UBAP2: variants seen among roughly 807,000 people sequenced by gnomAD.
UBAP2 encodes ubiquitin associated protein 2.
In UBAP2, 75 loss-of-function variants were observed where a neutral mutation model predicts 139.6. The ratio of observed to expected loss-of-function variants is 0.54; its 90% CI spans 0.45 to 0.65. The LOEUF (loss-of-function observed/expected upper bound fraction) is 0.65. Ranked by LOEUF, UBAP2 falls within the 30% of genes least tolerant of loss-of-function variation. The probability of loss-of-function intolerance (pLI) is 0.00; values close to 1 mark genes in which losing one functional copy is unlikely to be tolerated. For synonymous variants in UBAP2, 526 were observed against 526.2 expected (o/e 1.00, Z 0.01); for missense variants, 1,368 against 1,369.6 (o/e 1.00, Z 0.02).
chr9:34,023,852 G>C (rs926903303), intron 1 of UBAP2, among the ~76,000 whole-genome samples: 1 of 151,816 alleles, frequency 6.6e-6, no homozygotes, highest in Non-Finnish European at 1.5e-5. Flanking sequence ...AGGCCATCCT[G>C]GCTAATAAGG....
At chr9:34,014,199 C>T (rs1470917297) in intron 2 of UBAP2, among the ~76,000 whole-genome samples, 9 of 151,386 alleles carry the variant, frequency 5.9e-5, no homozygotes, top group South Asian at 2.1e-4. Flanking sequence ...TGGTGGCTCA[C>T]GCCTGTAATC....
chr9:33,969,550 T>C lies in UBAP2; in HGVS notation c.679+2101A>G, dbSNP rs868351068. 2.3e-4 allele frequency among the ~76,000 whole-genome samples: 25 copies of C among 107,178 alleles called. 1 individual carries two copies. Among genetic ancestry groups the C allele is most frequent in the African/African-American group, 1.1e-3 (24 of 22,052 alleles). 70.3% of individuals were successfully genotyped at this position (107,178 alleles called of 152,430 possible). A position where few individuals can be genotyped will look rare whatever the true frequency, so the allele number is the denominator to read the frequency against. ...GACAACAGAGTGAGATGCTCTCTCT[T>C]TAAAAAAAAAAAAAGAAAGAAAGAA... On this transcript the variant is annotated intron_variant, in intron 8 of 28. Coordinates refer to ENST00000379238, the MANE Select transcript of UBAP2 (RefSeq NM_001370062.2).
At chr9:33,959,391 A>G (rs2131001785) in intron 10 of UBAP2, among the ~76,000 whole-genome samples, 1 of 152,320 alleles carries the variant, frequency 6.6e-6, no homozygotes, top group East Asian at 1.9e-4. Context: ...AGACAGAGAA[A>G]AAGACAGAAT....
intron 11 of UBAP2, among the ~76,000 whole-genome samples, chr9:33,955,138 A>G (rs541608834): frequency 3.0e-4 from 45 of 152,196 alleles, no homozygotes; most frequent in Middle Eastern, 3.4e-3. Flanking sequence ...AATAAATGGT[A>G]CATGAAGAAA....
intron 1 of UBAP2, among the ~76,000 whole-genome samples, chr9:34,042,042 A>C (rs1827140861): frequency 6.6e-6 from 1 of 152,146 alleles, no homozygotes; most frequent in African/African-American, 2.4e-5. Context: ...AGAAATCAAC[A>C]TGGATAAATC....
At chr9:34,000,452 C>T (rs891119976) in intron 2 of UBAP2, among the ~76,000 whole-genome samples, 5 of 152,030 alleles carry the variant, frequency 3.3e-5, no homozygotes, top group African/African-American at 4.8e-5. Context: ...TTAGTTTTAA[C>T]GAAGGTACCG....
intron 16 of UBAP2, among the ~76,000 whole-genome samples, chr9:33,938,487 T>C (rs1371306452): frequency 6.6e-6 from 1 of 152,100 alleles, no homozygotes; most frequent in African/African-American, 2.4e-5. Flanking sequence ...CTCAAAAACT[T>C]ATGTTGAAAC....
chr9:34,002,106 T>C (rs1190114257), intron 2 of UBAP2, among the ~76,000 whole-genome samples: 2 of 151,482 alleles, frequency 1.3e-5, no homozygotes, highest in African/African-American at 2.4e-5. Context: ...GCAGCCACCA[T>C]GCCTGGCTAA....
chr9:33,955,455 G>A (rs1231374335), intron 11 of UBAP2, among the ~76,000 whole-genome samples: 7 of 152,062 alleles, frequency 4.6e-5, no homozygotes, highest in Admixed American at 3.3e-4. Flanking sequence ...GGACGGCGGG[G>A]GTTGCAGTGA....
intron 13 of UBAP2, 146 bp downstream of exon 13, chr9:33,948,228 G>T: frequency 1.6e-6 from 1 of 621,488 alleles, no homozygotes; most frequent in Non-Finnish European, 2.6e-6. Flanking sequence ...AACAAAGGAA[G>T]ACTGATTTAA....
chr9:33,987,699 TTTC>T (rs555143853), intron 5 of UBAP2, among the ~76,000 whole-genome samples: 70 of 152,380 alleles, frequency 4.6e-4, no homozygotes, highest in Non-Finnish European at 6.8e-4. Flanking sequence ...CTGATTTTTC[TTTC>T]TTCTTTGTGG....
intron 12 of UBAP2, among the ~76,000 whole-genome samples, chr9:33,951,734 G>T (rs1419733930): frequency 6.6e-6 from 1 of 152,098 alleles, no homozygotes; most frequent in African/African-American, 2.4e-5. Context: ...GCCTTCTCAT[G>T]TTGGTCATTC....
intron 22 of UBAP2, 93 bp from the exon 23 acceptor site, chr9:33,924,377 C>T: frequency 8.3e-7 from 1 of 1,209,066 alleles, no homozygotes; most frequent in East Asian, 2.4e-5. Context: ...CGCCACACTC[C>T]TGAAACAGAC....
chr9:33,948,340 A>G lies in UBAP2; in HGVS notation c.1270+34T>C, dbSNP rs1296971124. On this transcript the variant is annotated intron_variant, in intron 13 of 28. Transcript: ENST00000379238. Reference sequence around the variant, plus strand: ...CTCTGCCAAAGCTTGAAACGTCCTCAGTAGGGGCAAACCCACAAACAATGT... The same window carrying G: ...CTCTGCCAAAGCTTGAAACGTCCTCGGTAGGGGCAAACCCACAAACAATGT... 1.9e-6 allele frequency: 3 copies of G among 1,545,334 alleles called. No homozygotes were observed. The African/African-American group carries it at 4.1e-5, about 21-fold the overall frequency.
At chr9:33,962,408 G>A (rs946213591) in intron 9 of UBAP2, among the ~76,000 whole-genome samples, 3 of 152,078 alleles carry the variant, frequency 2.0e-5, no homozygotes, top group Non-Finnish European at 4.4e-5. Flanking sequence ...AGCACTTTGG[G>A]AGGCCGAGGT....
intron 22 of UBAP2, among the ~76,000 whole-genome samples, chr9:33,925,303 A>G (rs556266137): frequency 4.6e-5 from 7 of 152,290 alleles, no homozygotes; most frequent in African/African-American, 1.4e-4. Flanking sequence ...GAACACACAG[A>G]GCTGCACAAC....
chr9:33,928,108 T>A, intron 19 of UBAP2, 116 bp from the exon 20 acceptor site: 1 of 1,100,266 alleles, frequency 9.1e-7, no homozygotes, highest in Non-Finnish European at 1.3e-6. Context: ...GGCAATGATG[T>A]AACCACCCAG....
intron 1 of UBAP2, among the ~76,000 whole-genome samples, chr9:34,031,716 C>T (rs1825903333): frequency 6.6e-6 from 1 of 151,270 alleles, no homozygotes; most frequent in Admixed American, 6.6e-5. Context: ...ATGTATGAGG[C>T]TGAGGCTTCA....
At position 33,989,131 on chromosome 9, in the gene UBAP2, CAG is replaced by C; in HGVS notation, c.289-7_289-6del. The C allele has an allele frequency of 6.2e-7, 1 of 1,602,288 alleles. No individual in the cohort carries two copies. Among genetic ancestry groups the C allele is most frequent in the Non-Finnish European group, 8.5e-7 (1 of 1,176,558 alleles). ...CCCTACAGTCTCCCATGAAGTCTAT[CAG>C]AGAGAACGGCTGTTAATCATTTATC... On this transcript the variant is annotated splice_polypyrimidine_tract_variant and splice_region_variant and intron_variant, in intron 4 of 28. Coordinates refer to ENST00000379238, the MANE Select transcript of UBAP2 (RefSeq NM_001370062.2).
Sources: allele counts gnomAD v4.1 joint callset (sites outside exome capture counted in the v4.1 genomes callset), GRCh38; gene constraint gnomAD v4.1.1; transcripts MANE v1.5; gene names NCBI Gene and HGNC (gene_info 2026-07-23, HGNC 2026-07-21).